OTUD7B: variants seen among roughly 807,000 people sequenced by gnomAD.
OTUD7B encodes the protein OTU deubiquitinase 7B.
In OTUD7B, 34 loss-of-function variants were observed where a neutral mutation model predicts 82.2. The observed-to-expected ratio is 0.41, with a 90% CI of 0.31 to 0.55. OTUD7B has a LOEUF of 0.55. Among genes scored for constraint, OTUD7B ranks in the 20% least tolerant of loss-of-function variants. OTUD7B has a pLI of 0.20. For synonymous variants in OTUD7B, 398 were observed against 402.7 expected (o/e 0.99, Z 0.14); for missense variants, 944 against 1,062.1 (o/e 0.89, Z 1.55).
intron 1 of OTUD7B, among the ~76,000 whole-genome samples, chr1:149,983,003 T>A (rs375695401): frequency 4.6e-5 from 7 of 151,966 alleles, no homozygotes; most frequent in Non-Finnish European, 8.8e-5. Context: ...TACAGGCGCC[T>A]GCCACCACAC....
At chr1:150,016,362 T>G in the OTUD7B span, among the ~76,000 whole-genome samples, 1 of 152,020 alleles carries the variant, frequency 6.6e-6, no homozygotes, top group Non-Finnish European at 1.5e-5. Context: ...TGACCACCAG[T>G]GGTGTGCTAG....
chr1:149,962,905 T>C (rs1035054376), intron 6 of OTUD7B: 6 of 152,226 alleles, frequency 3.9e-5, no homozygotes, highest in African/African-American at 1.2e-4. Flanking sequence ...TTCCACGAGA[T>C]CCAGCCAAGC....
At chr1:149,978,618 A>G (rs1650494054) in intron 1 of OTUD7B, among the ~76,000 whole-genome samples, 1 of 152,208 alleles carries the variant, frequency 6.6e-6, no homozygotes, top group Non-Finnish European at 1.5e-5. Context: ...GAACCCAGGA[A>G]ACACATCTAC....
In OTUD7B at chr1:150,002,189, T is replaced by C. The variant is rs1474880996; in HGVS notation, c.-67+8259A>G. On this transcript the variant is annotated intron_variant, in intron 1 of 11. Coordinates refer to ENST00000581312, the MANE Select transcript of OTUD7B (RefSeq NM_020205.4). ...TTTGGGTTTTTTCCCTGAACTTTTC[T>C]AAATTTTGTTTAGATATTCTTTTTT... 5.2e-5 allele frequency among the ~76,000 whole-genome samples: 7 copies of C among 133,806 alleles called. No individual in the cohort carries two copies. In the South Asian group the frequency reaches 1.3e-3, roughly 25 times the overall value. The allele number at this position is 133,806 out of a possible 152,430, so 87.8% of individuals were successfully genotyped here. A position where few individuals can be genotyped will look rare whatever the true frequency, so the allele number is the denominator to read the frequency against.
At chr1:149,978,068 G>A (rs1228284826) in intron 1 of OTUD7B, among the ~76,000 whole-genome samples, 2 of 152,176 alleles carry the variant, frequency 1.3e-5, no homozygotes, top group Non-Finnish European at 2.9e-5. Flanking sequence ...TCCCCTGCAC[G>A]TATCACTTGG....
intron 5 of OTUD7B, among the ~76,000 whole-genome samples, chr1:149,965,277 G>A (rs1396004501): frequency 6.6e-6 from 1 of 152,046 alleles, no homozygotes; most frequent in Non-Finnish European, 1.5e-5. Context: ...TGAGGCAGGA[G>A]AATCGCTTGA....
chr1:150,017,139 G>C, the OTUD7B span, among the ~76,000 whole-genome samples: 1 of 152,214 alleles, frequency 6.6e-6, no homozygotes, highest in Non-Finnish European at 1.5e-5. Context: ...AATGTCAAAA[G>C]AGAGGAGTTT....
intron 2 of OTUD7B, among the ~76,000 whole-genome samples, chr1:149,975,766 T>C (rs1413804263): frequency 6.6e-6 from 1 of 151,994 alleles, no homozygotes; most frequent in East Asian, 1.9e-4. Context: ...GGGTGGCTCA[T>C]GCCTGCCAGC....
the OTUD7B span, among the ~76,000 whole-genome samples, chr1:150,036,313 T>C: frequency 2.1e-5 from 3 of 144,938 alleles, no homozygotes; most frequent in African/African-American, 7.7e-5. Context: ...CAGGCTGGAG[T>C]GCAGTGGCGC....
rs782107160 is a variant in OTUD7B at position 149,950,243 on chromosome 1, G to C, written c.846-22C>G. On this transcript the variant is annotated intron_variant, in intron 7 of 11. Transcript: ENST00000581312. ...CACCCTGGAACGACGGGAAGGGAGA[G>C]AGTGAAAAGGGTGCAGTAAAAATGA... The C allele has an allele frequency of 3.5e-5, 57 of 1,612,824 alleles. 1 individual carries two copies. In the Middle Eastern group the frequency reaches 9.9e-4, roughly 28 times the overall value.
At chr1:150,015,281 T>TC (rs1653231239), upstream of OTUD7B, among the ~76,000 whole-genome samples, 6 of 94,522 alleles carry the variant, frequency 6.3e-5, no homozygotes, top group East Asian at 1.5e-3. Flanking sequence ...AATTTCTTTT[T>TC]TTCTTTCTCT....
At chr1:150,015,750 A>C in the OTUD7B span, among the ~76,000 whole-genome samples, 11 of 152,092 alleles carry the variant, frequency 7.2e-5, no homozygotes, top group Admixed American at 2.0e-4. Flanking sequence ...CCTGCTGTAC[A>C]TGGCTTCAGG....
In OTUD7B at chr1:149,944,011, C is replaced by A. The variant is rs370419766; in HGVS notation, c.2378G>T (p.Arg793Leu). ...TTTGGTCTGAGTTGGGGGAAGGCCC[C>A]GGAGACCTCCAGCCCATCCATCTGG... ...PEPDGWAGGLRGLPPTQTKCK... is the reference protein window; with the variant it reads ...PEPDGWAGGLLGLPPTQTKCK... The change falls in exon 12 of 12, where the codon CGG becomes CTG. Residue 793 changes from arginine (R) to leucine (L), a missense_variant. Arg to Leu is a moderately radical substitution (Grantham distance 102). This residue lies in a region of OTUD7B where 412 missense variants were observed against 418.7 expected (regional missense o/e 0.98). Coordinates refer to ENST00000581312, the MANE Select transcript of OTUD7B (RefSeq NM_020205.4). 1.9e-6 allele frequency: 3 copies of A among 1,614,078 alleles called. No individual in the cohort carries two copies. The highest frequency in any genetic ancestry group is 2.5e-6 in the Non-Finnish European group (3 of 1,180,038).
At chr1:150,058,529 T>A in the OTUD7B span, among the ~76,000 whole-genome samples, 1 of 152,066 alleles carries the variant, frequency 6.6e-6, no homozygotes, top group South Asian at 2.1e-4. Context: ...GGTGACCCTG[T>A]CTTGAAAAAT....
intron 1 of OTUD7B, among the ~76,000 whole-genome samples, chr1:150,008,987 G>A (rs1652841838): frequency 6.6e-6 from 1 of 152,172 alleles, no homozygotes; most frequent in South Asian, 2.1e-4. Context: ...GCAACATCAA[G>A]TTCATTTATT....
intron 6 of OTUD7B, 22 bp from the exon 7 acceptor site, chr1:149,959,818 G>T (rs1429245504): frequency 8.6e-6 from 13 of 1,512,536 alleles, no homozygotes; most frequent in Non-Finnish European, 1.2e-5. Flanking sequence ...ACAGGCAGGG[G>T]ACATTGGGCA....
chr1:149,954,601 G>A (rs587634973), intron 7 of OTUD7B, among the ~76,000 whole-genome samples: 1 of 152,176 alleles, frequency 6.6e-6, no homozygotes. Context: ...TCTATTGATT[G>A]GAATAGTTTC....
the OTUD7B span, among the ~76,000 whole-genome samples, chr1:150,033,863 A>T: frequency 4.1e-4 from 62 of 152,232 alleles, no homozygotes; most frequent in African/African-American, 1.4e-3. Context: ...CTGGGACTAC[A>T]GGTGTGCGCC....
chr1:149,944,587 G>A lies in OTUD7B; in HGVS notation c.1802C>T (p.Thr601Ile). 4.3e-6 allele frequency: 7 copies of A among 1,614,054 alleles called. No individual in the cohort carries two copies. Among genetic ancestry groups the A allele is most frequent in the Non-Finnish European group, 5.9e-6 (7 of 1,180,010 alleles). Residue 601 changes from threonine to isoleucine, a missense_variant, in exon 12 of 12, where the codon ACT becomes ATT. By Grantham distance (89) the Thr-to-Ile change is moderately conservative (BLOSUM62 -1). This residue lies in a region of OTUD7B where 412 missense variants were observed against 418.7 expected (regional missense o/e 0.98). Transcript: ENST00000581312. ...EVMQSLSILR[T>I]AMQGEGKFIF... ...AAACTTCCCCTCCCCTTGCATGGCA[G>A]TCCTCAGAATGCTCAGGCTCTGCAT...
Sources: gnomAD v4.1 joint callset for allele counts (sites outside exome capture counted in the v4.1 genomes callset) on GRCh38, gnomAD v4.1.1 for gene constraint, gnomAD v4.1.1 regional missense constraint, MANE v1.5 for transcripts, NCBI Gene and HGNC (gene_info 2026-07-23, HGNC 2026-07-21) for gene names.